Variants in ADGRB3 observed in about 807,000 individuals in gnomAD.
ADGRB3 encodes the protein brain-specific angiogenesis inhibitor 3.
ADGRB3 carries 37 observed loss-of-function variants against 193.4 expected under a neutral mutation model. That is an observed-to-expected ratio of 0.19 (90% CI 0.15 to 0.25). The LOEUF (loss-of-function observed/expected upper bound fraction) is 0.25. Among genes scored for constraint, ADGRB3 ranks in the 10% least tolerant of loss-of-function variants. The pLI, the probability that ADGRB3 is intolerant of heterozygous loss-of-function variation, is 1.00. For synonymous variants in ADGRB3, 690 were observed against 644.2 expected (o/e 1.07, Z -1.08); for missense variants, 1,637 against 1,852.9 (o/e 0.88, Z 2.14).
At chr6:69,235,239 A>G (rs1203460464) in intron 19 of ADGRB3, 104 bp downstream of exon 19, 14 of 904,342 alleles carry the variant, frequency 1.5e-5, no homozygotes, top group Middle Eastern at 4.5e-4. Context: ...TAATTTACTG[A>G]AAGCAGTATT....
intron 17 of ADGRB3, among the ~76,000 whole-genome samples, chr6:69,124,820 A>AT (rs1210469235): frequency 3.3e-5 from 5 of 151,578 alleles, no homozygotes; most frequent in Non-Finnish European, 7.4e-5. Flanking sequence ...CACCAAATTA[A>AT]TTTTTTTTCT....
rs1182127340 is a variant in ADGRB3, at chr6:68,782,281, G to T, written c.757+142849G>T. On this transcript the variant is annotated intron_variant, in intron 3 of 31. Transcript: ENST00000370598. ...AATGATGGTTTCCAGCGTCATCTAT[G>T]TCCCTACAAAGGACATGAACTCATC... 2.0e-5 allele frequency among the ~76,000 whole-genome samples: 3 copies of T among 151,730 alleles called. No individual in the cohort carries two copies. The East Asian group carries it at 5.9e-4, about 30-fold the overall frequency.
Position 69,364,227 on chromosome 6 carries a change from G to GA in ADGRB3, c.4239+2721dup, listed in dbSNP as rs541547953. Among the ~76,000 whole-genome samples the GA allele has an allele frequency of 2.8e-4, 42 of 151,988 alleles. 1 individual carries two copies. In the South Asian group the frequency reaches 7.9e-3, roughly 29 times the overall value. ...ACTGCCAGCATGGAAAGTGCTGAAG[G>GA]AAAAAACAGAAGAAGGTAAACACTG... On this transcript the variant is annotated intron_variant, in intron 29 of 31. Transcript: ENST00000370598.
intron 26 of ADGRB3, among the ~76,000 whole-genome samples, chr6:69,342,349 T>C (rs1451098354): frequency 6.6e-6 from 1 of 152,006 alleles, no homozygotes; most frequent in Non-Finnish European, 1.5e-5. Context: ...CACATATTTC[T>C]TTTTTTTAAT....
intron 17 of ADGRB3, among the ~76,000 whole-genome samples, chr6:69,163,384 C>T (rs943490526): frequency 2.0e-5 from 3 of 151,928 alleles, no homozygotes; most frequent in Admixed American, 6.6e-5. Flanking sequence ...AACCAGGTAC[C>T]CCTCTTCCTA....
intron 17 of ADGRB3, among the ~76,000 whole-genome samples, chr6:69,217,344 C>G (rs1457587062): frequency 2.0e-5 from 3 of 151,968 alleles, no homozygotes; most frequent in Non-Finnish European, 4.4e-5. Context: ...CCCCAAGCCT[C>G]TAAGATAAAT....
chr6:69,002,216 T>G (rs1232564667), intron 11 of ADGRB3, among the ~76,000 whole-genome samples: 1 of 133,678 alleles, frequency 7.5e-6, no homozygotes, highest in Non-Finnish European at 1.6e-5. Flanking sequence ...ACCAAGCATC[T>G]TTTATCTTTT....
chr6:69,351,890 T>C (rs1240932128), intron 26 of ADGRB3, among the ~76,000 whole-genome samples: 1 of 152,226 alleles, frequency 6.6e-6, no homozygotes, highest in Non-Finnish European at 1.5e-5. Context: ...CAAATTAATC[T>C]TTGGTATTGC....
chr6:69,234,910 T>A (rs1368024308), intron 18 of ADGRB3, 122 bp from the exon 19 acceptor site: 4 of 685,278 alleles, frequency 5.8e-6, no homozygotes, highest in African/African-American at 3.6e-5. Flanking sequence ...TGGGTAACTA[T>A]CTGGTAACTA....
chr6:69,215,931 GT>G (rs1765764980), intron 17 of ADGRB3, among the ~76,000 whole-genome samples: 1 of 152,138 alleles, frequency 6.6e-6, no homozygotes, highest in African/African-American at 2.4e-5. Flanking sequence ...GACATAGATA[GT>G]TAATATAAAT....
chr6:68,715,321 CATT>C lies in ADGRB3; in HGVS notation c.757+75892_757+75894del, dbSNP rs1765472246. ...ATTTTTATCCTGCTTCTGTCTGTCT[CATT>C]ATAGGGGCTTGTGAAGAAGGTTTAC... On this transcript the variant is annotated intron_variant, in intron 3 of 31. Transcript: ENST00000370598. Among the ~76,000 whole-genome samples, 3 of 151,630 alleles carry C rather than the reference CATT, an allele frequency of 2.0e-5. No homozygotes were observed. The South Asian group carries it at 6.2e-4, about 31-fold the overall frequency.
At position 69,051,612 on chromosome 6, in the gene ADGRB3, A is replaced by G. The variant is rs148402309; in HGVS notation, c.2333+2266A>G. ...ACTTCTCATTTTCTTTTATCTCTTA[A>G]AGTAACATAATGTGACCACTAAGTA... On this transcript the variant is annotated intron_variant, in intron 15 of 31. Transcript: ENST00000370598. Among the ~76,000 whole-genome samples, 92 of 152,276 alleles carry G rather than the reference A, an allele frequency of 6.0e-4. 2 individuals are homozygous for G. Among genetic ancestry groups the G allele is most frequent in the African/African-American group, 1.9e-3 (81 of 41,556 alleles).
chr6:68,841,509 A>G (rs1243241032), intron 3 of ADGRB3, among the ~76,000 whole-genome samples: 5 of 152,212 alleles, frequency 3.3e-5, no homozygotes, highest in Admixed American at 3.3e-4. Context: ...CTGAATGACC[A>G]GTGAATCAAT....
chr6:69,097,205 C>T (rs767645760), intron 17 of ADGRB3, among the ~76,000 whole-genome samples: 1 of 152,192 alleles, frequency 6.6e-6, no homozygotes, highest in Non-Finnish European at 1.5e-5. Context: ...ATATCTATGA[C>T]TCAGGTCGAG....
chr6:68,950,692 A>G (rs1582341272), intron 6 of ADGRB3, among the ~76,000 whole-genome samples: 1 of 152,094 alleles, frequency 6.6e-6, no homozygotes, highest in South Asian at 2.1e-4. Flanking sequence ...TCTGCACCCT[A>G]CCACAAACCT....
At chr6:69,121,792 G>A (rs1773700816) in intron 17 of ADGRB3, among the ~76,000 whole-genome samples, 1 of 150,254 alleles carries the variant, frequency 6.7e-6, no homozygotes, top group East Asian at 2.0e-4. Flanking sequence ...TGGCGGCCGG[G>A]CAGAGGCGCA....
intron 12 of ADGRB3, among the ~76,000 whole-genome samples, chr6:69,015,968 T>C (rs773477601): frequency 2.0e-5 from 3 of 151,976 alleles, no homozygotes; most frequent in Non-Finnish European, 4.4e-5. Flanking sequence ...ATTTCGTCAT[T>C]ACATTGAAAA....
intron 12 of ADGRB3, among the ~76,000 whole-genome samples, chr6:69,017,377 G>C (rs1397538510): frequency 6.6e-6 from 1 of 151,886 alleles, no homozygotes; most frequent in Non-Finnish European, 1.5e-5. Context: ...AAATGCAGTG[G>C]TGCTGAATGG....
At chr6:69,239,679 T>C (rs984411334) in intron 20 of ADGRB3, among the ~76,000 whole-genome samples, 5 of 152,022 alleles carry the variant, frequency 3.3e-5, no homozygotes, top group Admixed American at 6.6e-5. Flanking sequence ...AAAATATCCA[T>C]AGGCAATAAT....
Sources: gnomAD v4.1 joint callset for allele counts (sites outside exome capture counted in the v4.1 genomes callset) on GRCh38, gnomAD v4.1.1 for gene constraint, MANE v1.5 for transcripts, NCBI Gene and HGNC (gene_info 2026-07-23, HGNC 2026-07-21) for gene names.